The following FBXW8 variants were observed in gnomAD, a reference collection of about 807,000 sequenced individuals.
FBXW8 encodes the protein F-box and WD repeat domain containing 8.
Under a neutral mutation model 65.3 loss-of-function variants are expected in FBXW8, and 57 were observed. The observed-to-expected ratio is 0.87, with a 90% CI of 0.71 to 1.09. The LOEUF is 1.09. Ranked by LOEUF, FBXW8 falls within the 50% of genes least tolerant of loss-of-function variation. FBXW8 has a pLI of 0.00. For missense variants in FBXW8, 777 were observed against 814.8 expected, an observed-to-expected ratio of 0.95 and a Z score of 0.57; for synonymous variants, 308 against 330.2, an observed-to-expected ratio of 0.93 and a Z score of 0.73.
Position 117,007,776 on chromosome 12 carries a change from A to G in FBXW8, c.1240-2547A>G, listed in dbSNP as rs529780462. On this transcript the variant is annotated intron_variant, in intron 7 of 10. Transcript: ENST00000652555. ...TAATTAATCTCACTAGTCTATGGCA[A>G]TCAGATAAAATGAAGTCCCATTTGC... 3.3e-5 allele frequency among the ~76,000 whole-genome samples: 5 copies of G among 152,328 alleles called. No individual in the cohort carries two copies. In the South Asian group the frequency reaches 6.2e-4, roughly 19 times the overall value.
At chr12:117,009,668 A>G (rs967344377) in intron 7 of FBXW8, among the ~76,000 whole-genome samples, 1 of 152,210 alleles carries the variant, frequency 6.6e-6, no homozygotes, top group Non-Finnish European at 1.5e-5. Context: ...GAGAGAAGAC[A>G]CAGAGGTGTT....
Position 116,911,287 on chromosome 12 carries a change from C to T in FBXW8, c.250C>T (p.Arg84Cys). 7.9e-7 allele frequency: 1 copy of T among 1,271,458 alleles called. No homozygotes were observed. The highest frequency in any genetic ancestry group is 9.9e-7 in the Non-Finnish European group (1 of 1,011,822). The allele number at this position is 1,271,458 out of a possible 1,614,324, so 78.8% of individuals were successfully genotyped here. Residue 84 changes from arginine (R) to cysteine (C), a missense_variant, in exon 1 of 11, where the codon CGT becomes TGT. Arg to Cys is a radical substitution (Grantham distance 180). Coordinates refer to ENST00000652555, the MANE Select transcript of FBXW8 (RefSeq NM_153348.3). ...GGGGCAGGACGTAGCGAGCCGCTCA[C>T]GTTCTCCTCTGGCCCGCGAGGGCGC... ...AEGQDVASRS[R>C]SPLAREGAGG... is the part of the protein sequence containing the mutation.
intron 1 of FBXW8, among the ~76,000 whole-genome samples, chr12:116,922,884 C>G (rs983441776): frequency 4.6e-5 from 7 of 151,748 alleles, no homozygotes; most frequent in Admixed American, 6.6e-5. Context: ...TGGTTGTGTT[C>G]TCAACTTTTA....
rs1208148084 is a variant in FBXW8 at position 117,020,484 on chromosome 12, C to T, written c.1368-3663C>T. Among the ~76,000 whole-genome samples, 3 of 152,212 alleles carry T rather than the reference C, an allele frequency of 2.0e-5. No individual in the cohort carries two copies. The South Asian group carries it at 6.2e-4, about 32-fold the overall frequency. Reference sequence around the variant, plus strand: ...ACTTGGGGCGTGTGGTGCACCACCCCTTCTGTCCCTCATGTCTCTTATACC... The same window carrying T: ...ACTTGGGGCGTGTGGTGCACCACCCTTTCTGTCCCTCATGTCTCTTATACC... On this transcript the variant is annotated intron_variant, in intron 8 of 10. Coordinates refer to ENST00000652555, the MANE Select transcript of FBXW8 (RefSeq NM_153348.3).
chr12:116,947,289 C>T (rs1882993659), intron 3 of FBXW8, among the ~76,000 whole-genome samples: 1 of 152,118 alleles, frequency 6.6e-6, no homozygotes, highest in African/African-American at 2.4e-5. Context: ...GGACTGCAGG[C>T]TGAACCAAAC....
intron 8 of FBXW8, among the ~76,000 whole-genome samples, chr12:117,016,758 T>G (rs934252436): frequency 6.6e-5 from 10 of 152,170 alleles, no homozygotes; most frequent in African/African-American, 2.2e-4. Context: ...GGTTTTATAG[T>G]TTTGGCTCTT....
chr12:116,964,982 C>T, intron 5 of FBXW8, 128 bp downstream of exon 5: 1 of 886,912 alleles, frequency 1.1e-6, no homozygotes, highest in Non-Finnish European at 1.7e-6. Context: ...TGTTCACACA[C>T]ATACACTCAC....
intron 5 of FBXW8, among the ~76,000 whole-genome samples, chr12:116,971,290 T>C (rs56396659): frequency 1.3e-5 from 2 of 152,074 alleles, no homozygotes; most frequent in East Asian, 1.9e-4. Context: ...GCCCTGGAAG[T>C]TGCTGCAGTG....
intron 1 of FBXW8, among the ~76,000 whole-genome samples, chr12:116,918,619 T>G (rs1051828012): frequency 1.8e-4 from 27 of 152,236 alleles, no homozygotes; most frequent in African/African-American, 2.4e-5. Flanking sequence ...CTGCAAGTCA[T>G]GAACCTAAAT....
chr12:116,911,177 A>T lies in FBXW8; in HGVS notation c.140A>T (p.Glu47Val). The T allele has an allele frequency of 7.5e-7, 1 of 1,330,956 alleles. No homozygotes were observed. The highest frequency in any genetic ancestry group is 9.5e-7 in the Non-Finnish European group (1 of 1,048,870). 82.4% of individuals were successfully genotyped at this position (1,330,956 alleles called of 1,614,324 possible). A position where few individuals can be genotyped will look rare whatever the true frequency, so the allele number is the denominator to read the frequency against. The change falls in exon 1 of 11, where the codon GAA (glutamate) becomes GTA (valine). Residue 47 changes from glutamate (E) to valine (V), a missense_variant. Coordinates refer to ENST00000652555, the MANE Select transcript of FBXW8 (RefSeq NM_153348.3). ...RRPEVGSGRGEQASGDPALAQ... is the reference protein window; with the variant it reads ...RRPEVGSGRGVQASGDPALAQ... ...CCGGAGGTGGGCTCCGGGCGCGGCG[A>T]ACAGGCCTCGGGGGACCCGGCGCTG... is the stretch of plus-strand genomic sequence containing the variant.
chr12:116,963,323 G>A (rs1884103695), intron 4 of FBXW8, among the ~76,000 whole-genome samples: 1 of 152,146 alleles, frequency 6.6e-6, no homozygotes, highest in Non-Finnish European at 1.5e-5. Context: ...AATTCCACCT[G>A]AGGCCAGCTG....
At chr12:116,985,470 C>A in intron 6 of FBXW8, 68 bp downstream of exon 6, 1 of 1,474,984 alleles carries the variant, frequency 6.8e-7, no homozygotes. Context: ...TAAGCACGTA[C>A]TAATGGTGTT....
At chr12:117,016,570 G>A (rs1953951575) in intron 8 of FBXW8, among the ~76,000 whole-genome samples, 1 of 150,578 alleles carries the variant, frequency 6.6e-6, no homozygotes, top group African/African-American at 2.4e-5. Context: ...TCTGTGGGTT[G>A]TCTTTTCGCT....
At chr12:117,024,865 C>T (rs1411780218) in intron 9 of FBXW8, among the ~76,000 whole-genome samples, 1 of 152,190 alleles carries the variant, frequency 6.6e-6, no homozygotes, top group Non-Finnish European at 1.5e-5. Flanking sequence ...GGGGTTCAGG[C>T]TCCAACGAAG....
At chr12:116,991,022 G>T (rs1231166999) in intron 7 of FBXW8, among the ~76,000 whole-genome samples, 1 of 152,084 alleles carries the variant, frequency 6.6e-6, no homozygotes, top group Non-Finnish European at 1.5e-5. Context: ...CCTGTAAGCT[G>T]GTGTTTTCGC....
chr12:116,967,342 G>A (rs1884390648), intron 5 of FBXW8, among the ~76,000 whole-genome samples: 1 of 152,198 alleles, frequency 6.6e-6, no homozygotes, highest in African/African-American at 2.4e-5. Flanking sequence ...ATTGAAAACA[G>A]TGCTGCAAGC....
At chr12:116,917,742 C>G (rs1880548579) in intron 1 of FBXW8, among the ~76,000 whole-genome samples, 1 of 151,984 alleles carries the variant, frequency 6.6e-6, no homozygotes, top group Non-Finnish European at 1.5e-5. Context: ...CCTGTAATCC[C>G]AGCACTTTGG....
At chr12:116,974,922 G>A (rs1565921606) in intron 5 of FBXW8, among the ~76,000 whole-genome samples, 1 of 152,278 alleles carries the variant, frequency 6.6e-6, no homozygotes, top group East Asian at 1.9e-4. Flanking sequence ...AAAGATGAAG[G>A]TAGGGCATCT....
chr12:117,013,859 T>C (rs1198077184), intron 8 of FBXW8, among the ~76,000 whole-genome samples: 1 of 152,090 alleles, frequency 6.6e-6, no homozygotes, highest in Non-Finnish European at 1.5e-5. Flanking sequence ...TATGAGAAGC[T>C]TGAATGAGTC....
Sources: gnomAD v4.1 joint callset for allele counts (sites outside exome capture counted in the v4.1 genomes callset) on GRCh38, gnomAD v4.1.1 for gene constraint, MANE v1.5 for transcripts, NCBI Gene and HGNC (gene_info 2026-07-23, HGNC 2026-07-21) for gene names.